P4HA3: variants seen among roughly 807,000 people sequenced by gnomAD.
The protein encoded by P4HA3 is prolyl 4-hydroxylase subunit alpha-3.
In P4HA3, 60 loss-of-function variants were observed where a neutral mutation model predicts 66.7. The observed-to-expected ratio is 0.90, with a 90% CI of 0.73 to 1.12. The LOEUF is 1.12. Among genes scored for constraint, P4HA3 ranks in the 50% most tolerant of loss-of-function variants. The pLI, the probability that P4HA3 is intolerant of heterozygous loss-of-function variation, is 0.00. For synonymous variants in P4HA3, 263 were observed against 274.6 expected (o/e 0.96, Z 0.42); for missense variants, 683 against 685.8 (o/e 1.00, Z 0.05).
At chr11:74,309,133 C>A (rs375570099) in intron 1 of P4HA3, among the ~76,000 whole-genome samples, 49 of 152,322 alleles carry the variant, frequency 3.2e-4, no homozygotes, top group African/African-American at 1.1e-3. Context: ...GTTGGATAAA[C>A]AATCAAAACA....
intron 1 of P4HA3, among the ~76,000 whole-genome samples, chr11:74,309,386 T>A (rs1861660749): frequency 6.6e-6 from 1 of 152,184 alleles, no homozygotes; most frequent in Admixed American, 6.5e-5. Context: ...GAGACCAGCA[T>A]GGTGGAATGG....
chr11:74,282,498 C>A (rs943784111), intron 7 of P4HA3, among the ~76,000 whole-genome samples: 1 of 152,182 alleles, frequency 6.6e-6, no homozygotes, highest in African/African-American at 2.4e-5. Context: ...TCGTTCCAGG[C>A]AGACAGAAGA....
At chr11:74,284,750 G>A (rs1418975153) in intron 7 of P4HA3, among the ~76,000 whole-genome samples, 1 of 152,044 alleles carries the variant, frequency 6.6e-6, no homozygotes, top group Non-Finnish European at 1.5e-5. Flanking sequence ...TGTCTGGTTT[G>A]TGGCTCTCCC....
chr11:74,262,748 T>C (rs1859928109), downstream of P4HA3, among the ~76,000 whole-genome samples: 1 of 152,010 alleles, frequency 6.6e-6, no homozygotes, highest in African/African-American at 2.4e-5. Flanking sequence ...AATGTCCCTC[T>C]CTCCCCACCC....
intron 7 of P4HA3, among the ~76,000 whole-genome samples, chr11:74,282,855 A>G (rs1176675061): frequency 6.6e-6 from 1 of 152,170 alleles, no homozygotes; most frequent in Non-Finnish European, 1.5e-5. Context: ...TAGAGTTCAG[A>G]GGAGGAATAG....
At chr11:74,288,932 G>A (rs568603891) in intron 5 of P4HA3, 147 bp downstream of exon 5, 233 of 505,392 alleles carry the variant, frequency 4.6e-4, no homozygotes, top group Non-Finnish European at 4.0e-5. Flanking sequence ...CTGGGTGACA[G>A]AGGGAGATGC....
intron 10 of P4HA3, 124 bp from the exon 11 acceptor site, chr11:74,269,844 G>T (rs995542868): frequency 1.5e-5 from 15 of 1,011,706 alleles, no homozygotes; most frequent in Middle Eastern, 4.3e-4. Flanking sequence ...AGAAATACTT[G>T]AAAGACAATC....
At chr11:74,300,290 G>C (rs1227385639) in intron 3 of P4HA3, among the ~76,000 whole-genome samples, 1 of 152,158 alleles carries the variant, frequency 6.6e-6, no homozygotes, top group Non-Finnish European at 1.5e-5. Context: ...TCATGAGCAA[G>C]AGTCAACAGA....
At chr11:74,271,832 C>CA (rs1357950589) in intron 10 of P4HA3, among the ~76,000 whole-genome samples, 3 of 152,074 alleles carry the variant, frequency 2.0e-5, no homozygotes, top group African/African-American at 7.2e-5. Context: ...CGAGAAATCC[C>CA]AACCTGAAGA....
At position 74,266,936 on chromosome 11, in the gene P4HA3, T is replaced by A; in HGVS notation, c.*312A>T. 7.6e-7 allele frequency: 1 copy of A among 1,321,594 alleles called. No individual in the cohort carries two copies. The highest frequency in any genetic ancestry group is 1.0e-6 in the Non-Finnish European group (1 of 991,968). The allele number at this position is 1,321,594 out of a possible 1,614,324, so 81.9% of individuals were successfully genotyped here. On this transcript the variant is annotated 3_prime_UTR_variant, in exon 13 of 13. Transcript: ENST00000331597. The stretch of plus-strand genomic sequence containing the variant: ...TGCCAAAAGACCCACTGATCGAACC[T>A]GAGACTGTTGAGATGTCCTGTTCCC...
chr11:74,310,041 ACACT>A (rs1861685036), intron 1 of P4HA3, among the ~76,000 whole-genome samples: 1 of 152,110 alleles, frequency 6.6e-6, no homozygotes, highest in African/African-American at 2.4e-5. Flanking sequence ...ATTACCACAC[ACACT>A]CACGCAAAGT....
At position 74,289,359 on chromosome 11, in the gene P4HA3, G is replaced by A. The variant is rs77057210; in HGVS notation, c.718-229C>T. On this transcript the variant is annotated intron_variant, in intron 4 of 12. Transcript: ENST00000331597. ...CTAATGACTTATGACCACCCTTACC[G>A]GGCAAGGTAGGAAAATAAATGAAAA... Among the ~76,000 whole-genome samples, 6,039 of 152,112 alleles carry A rather than the reference G, an allele frequency of 0.04. 127 individuals carry two copies. Among genetic ancestry groups the A allele is most frequent in the Middle Eastern group, 0.11 (31 of 294 alleles).
At chr11:74,310,601 G>C (rs76593831) in intron 1 of P4HA3, among the ~76,000 whole-genome samples, 5,876 of 152,320 alleles carry the variant, frequency 0.039, 123 homozygotes, top group Middle Eastern at 0.099. Flanking sequence ...CAAACTCCTC[G>C]AGGGCAGAGT....
chr11:74,255,400 C>G (rs578100577), intron 15 of P4HA3, among the ~76,000 whole-genome samples: 96 of 152,322 alleles, frequency 6.3e-4, no homozygotes, highest in Middle Eastern at 6.8e-3. Context: ...CCTCCTCCCC[C>G]CTGGGTGGTC....
rs747203165 is a variant in P4HA3 at position 74,279,379 on chromosome 11, C to T, written c.1175+9G>A. Reference sequence around the variant, plus strand: ...GCAGCAGGTATGACCAAGGAAGGGCCCTTCTTACCTTTTGCTGATGCGGTA... The same window carrying T: ...GCAGCAGGTATGACCAAGGAAGGGCTCTTCTTACCTTTTGCTGATGCGGTA... On this transcript the variant is annotated intron_variant, in intron 8 of 12. Coordinates refer to ENST00000331597, the MANE Select transcript of P4HA3 (RefSeq NM_182904.5). The T allele has an allele frequency of 2.5e-6, 4 of 1,613,378 alleles. No individual in the cohort carries two copies. In the East Asian group the frequency reaches 6.7e-5, roughly 27 times the overall value.
At chr11:74,269,237 G>A (rs1378731285) in intron 11 of P4HA3, among the ~76,000 whole-genome samples, 1 of 152,090 alleles carries the variant, frequency 6.6e-6, no homozygotes, top group Non-Finnish European at 1.5e-5. Context: ...AATGCCTGCT[G>A]ACGTCTCTGT....
chr11:74,253,630 T>TA (rs1218213987), intron 15 of P4HA3: 1 of 1,147,254 alleles, frequency 8.7e-7, no homozygotes, highest in Non-Finnish European at 1.3e-6. Context: ...TGGCTCCCGG[T>TA]AGACGGGCAC....
chr11:74,306,814 C>A (rs1861593542), intron 1 of P4HA3, among the ~76,000 whole-genome samples: 1 of 152,142 alleles, frequency 6.6e-6, no homozygotes, highest in South Asian at 2.1e-4. Context: ...GAACCTGGAC[C>A]TGGGTCTCCC....
Position 74,302,468 on chromosome 11 carries a change from T to A in P4HA3, c.468A>T (p.Arg156=). The A allele has an allele frequency of 1.9e-6, 3 of 1,614,130 alleles. No individual in the cohort carries two copies. The highest frequency in any genetic ancestry group is 2.5e-6 in the Non-Finnish European group (3 of 1,180,002). ...VYMLNVKGLA[R]GVFQRVTGSA... Reference sequence around the variant, plus strand: ...AGCCAGTGACTCTCTGAAAGACACCTCGGGCCAGGCCTTTCACATTGAGCA... The same window carrying A: ...AGCCAGTGACTCTCTGAAAGACACCACGGGCCAGGCCTTTCACATTGAGCA... The change falls in exon 3 of 13, where the codon CGA becomes CGT. Residue 156 remains arginine, a synonymous_variant. Coordinates refer to ENST00000331597, the MANE Select transcript of P4HA3 (RefSeq NM_182904.5).
Sources: allele counts gnomAD v4.1 joint callset (sites outside exome capture counted in the v4.1 genomes callset), GRCh38; gene constraint gnomAD v4.1.1; transcripts MANE v1.5; gene names NCBI Gene and HGNC (gene_info 2026-07-23, HGNC 2026-07-21).